MSRA: variants seen among roughly 807,000 people sequenced by gnomAD.
The protein encoded by MSRA is methionine sulfoxide reductase A, also known as mitochondrial peptide methionine sulfoxide reductase.
Under a neutral mutation model 31.3 loss-of-function variants are expected in MSRA, and 54 were observed. The ratio of observed to expected loss-of-function variants is 1.73; its 90% CI spans 1.39 to 2.17. The LOEUF (loss-of-function observed/expected upper bound fraction) is 2.17, where lower values mean the gene tolerates loss of function less well. MSRA is among the 30% of genes most tolerant of loss of function. MSRA has a pLI of 0.00. For synonymous variants in MSRA, 169 were observed against 116.5 expected (o/e 1.45, Z -2.90); for missense variants, 507 against 300.9 (o/e 1.69, Z -5.07).
chr8:10,071,858 C>A (rs189425667), intron 1 of MSRA, among the ~76,000 whole-genome samples: 1 of 152,106 alleles, frequency 6.6e-6, no homozygotes, highest in African/African-American at 2.4e-5. Flanking sequence ...TATCTCAGTA[C>A]GAGAGTCTCC....
At chr8:10,418,815 T>TAAAAAAAAAAAAAAAAAAAA (rs71203323) in intron 5 of MSRA, among the ~76,000 whole-genome samples, 28 of 66,012 alleles carry the variant, frequency 4.2e-4, no homozygotes, top group East Asian at 1.8e-3. Flanking sequence ...TTACTACGAC[T>TAAAAAAAAAAAAAAAAAAAA]AAAAAAAAAA....
intron 5 of MSRA, among the ~76,000 whole-genome samples, chr8:10,384,182 C>T (rs915360056): frequency 6.6e-5 from 10 of 152,174 alleles, no homozygotes; most frequent in African/African-American, 1.2e-4. Context: ...GACAACTATG[C>T]CATGATTCCT....
At chr8:10,394,671 C>G (rs11250000) in intron 5 of MSRA, among the ~76,000 whole-genome samples, 152,066 of 152,368 alleles carry the variant, frequency 1, 75,884 homozygotes, top group Non-Finnish European at 1. Context: ...CCCAAAGCCA[C>G]GCTTCCGCTG....
intron 2 of MSRA, among the ~76,000 whole-genome samples, chr8:10,234,682 C>T (rs551448502): frequency 3.9e-5 from 6 of 152,000 alleles, no homozygotes; most frequent in African/African-American, 1.2e-4. Flanking sequence ...CTGTTATATG[C>T]TGCTTACAAG....
intron 1 of MSRA, among the ~76,000 whole-genome samples, chr8:10,187,682 G>A (rs1037376086): frequency 6.6e-6 from 1 of 152,108 alleles, no homozygotes; most frequent in African/African-American, 2.4e-5. Flanking sequence ...AAGCGTTACC[G>A]GCAGGCAATA....
intron 3 of MSRA, among the ~76,000 whole-genome samples, chr8:10,249,642 C>T (rs1374901286): frequency 6.6e-6 from 1 of 152,190 alleles, no homozygotes; most frequent in East Asian, 1.9e-4. Flanking sequence ...CCAGCTTCTG[C>T]ACCAGGCACC....
chr8:10,226,201 A>G (rs531119236), intron 2 of MSRA, among the ~76,000 whole-genome samples: 2 of 152,224 alleles, frequency 1.3e-5, no homozygotes, highest in Non-Finnish European at 2.9e-5. Context: ...AACACTGAGT[A>G]TCTCAAACCA....
At chr8:10,255,672 G>C (rs1304758824) in intron 3 of MSRA, among the ~76,000 whole-genome samples, 1 of 151,830 alleles carries the variant, frequency 6.6e-6, no homozygotes, top group African/African-American at 2.4e-5. Flanking sequence ...GCGTTTGATA[G>C]TTTGAAAATG....
At chr8:10,059,237 C>T (rs531222543) in intron 1 of MSRA, 1 of 152,210 alleles carries the variant, frequency 6.6e-6, no homozygotes, top group East Asian at 1.9e-4. Flanking sequence ...GGAATAAATT[C>T]CAGATATATG....
intron 5 of MSRA, among the ~76,000 whole-genome samples, chr8:10,376,621 A>G (rs1805771385): frequency 6.6e-6 from 1 of 152,212 alleles, no homozygotes; most frequent in Non-Finnish European, 1.5e-5. Context: ...TGCTTAATAA[A>G]TAGTAGCCTC....
intron 1 of MSRA, among the ~76,000 whole-genome samples, chr8:10,056,524 C>CT (rs58900236): frequency 0.52 from 71,227 of 138,168 alleles, 19,337 homozygotes; most frequent in Non-Finnish European, 0.6. Flanking sequence ...GGCCAGTAAA[C>CT]TTTTTTTTTT....
intron 3 of MSRA, among the ~76,000 whole-genome samples, chr8:10,276,681 C>T (rs1799338037): frequency 1.3e-5 from 2 of 152,224 alleles, no homozygotes; most frequent in Non-Finnish European, 2.9e-5. Context: ...AGGTTGATTG[C>T]AGTTTCTAAG....
intron 3 of MSRA, among the ~76,000 whole-genome samples, chr8:10,279,191 T>C (rs1563301900): frequency 1.3e-5 from 2 of 152,312 alleles, no homozygotes; most frequent in East Asian, 3.9e-4. Flanking sequence ...ATGTAATTCT[T>C]ACCTTGTTGG....
In MSRA at chr8:10,211,795, T is replaced by A. The variant is rs1563223476; in HGVS notation, c.211+3894T>A. The stretch of plus-strand genomic sequence containing the variant: ...GTCAATATCTTAATGAAAGTGACAT[T>A]CCGTTGGCCACGGTCCACTCTGTCC... On this transcript the variant is annotated intron_variant, in intron 2 of 5. Coordinates refer to ENST00000317173, the MANE Select transcript of MSRA (RefSeq NM_012331.5). 3.3e-5 allele frequency among the ~76,000 whole-genome samples: 5 copies of A among 152,256 alleles called. No individual in the cohort carries two copies. The South Asian group carries it at 1.0e-3, about 32-fold the overall frequency.
At chr8:10,381,260 C>G (rs1470747245) in intron 5 of MSRA, among the ~76,000 whole-genome samples, 1 of 152,144 alleles carries the variant, frequency 6.6e-6, no homozygotes, top group African/African-American at 2.4e-5. Context: ...TACCCTCATC[C>G]CAGTATTTTT....
At chr8:10,289,446 A>G (rs1800114950) in intron 3 of MSRA, among the ~76,000 whole-genome samples, 1 of 152,084 alleles carries the variant, frequency 6.6e-6, no homozygotes, top group Non-Finnish European at 1.5e-5. Context: ...TACAGGATGC[A>G]GTGTGTAGGA....
chr8:10,075,316 T>C (rs1446479434), intron 1 of MSRA, among the ~76,000 whole-genome samples: 5 of 152,232 alleles, frequency 3.3e-5, no homozygotes, highest in African/African-American at 1.2e-4. Flanking sequence ...TCAATAAAAC[T>C]CTTTTAGTAT....
intron 1 of MSRA, among the ~76,000 whole-genome samples, chr8:10,180,796 C>T (rs754302862): frequency 6.6e-6 from 1 of 152,130 alleles, no homozygotes; most frequent in African/African-American, 2.4e-5. Context: ...AGTTGTTGCA[C>T]CGAAGAAATG....
chr8:10,264,019 T>A (rs959096937), intron 3 of MSRA, among the ~76,000 whole-genome samples: 2 of 152,244 alleles, frequency 1.3e-5, no homozygotes, highest in Non-Finnish European at 1.5e-5. Flanking sequence ...GCTTCAGATC[T>A]GTGTGTCTAC....
Sources: allele counts gnomAD v4.1 joint callset (sites outside exome capture counted in the v4.1 genomes callset), GRCh38; gene constraint gnomAD v4.1.1; transcripts MANE v1.5; gene names NCBI Gene and HGNC (gene_info 2026-07-23, HGNC 2026-07-21).